Variants in TTLL9 observed in about 807,000 individuals in gnomAD.
The protein encoded by TTLL9 is probable tubulin polyglutamylase TTLL9.
In TTLL9, 47 loss-of-function variants were observed where a neutral mutation model predicts 65.6. That is an observed-to-expected ratio of 0.72 (90% CI 0.57 to 0.91). TTLL9 has a LOEUF of 0.91. Among genes scored for constraint, TTLL9 ranks in the 40% least tolerant of loss-of-function variants. The pLI is 0.00. For synonymous variants in TTLL9, 179 were observed against 204.8 expected, an observed-to-expected ratio of 0.87 and a Z score of 1.07; for missense variants, 537 against 568.8, an observed-to-expected ratio of 0.94 and a Z score of 0.57.
intron 14 of TTLL9, chr20:31,939,674 T>C (rs990300036): frequency 6.4e-5 from 10 of 156,338 alleles, no homozygotes; most frequent in African/African-American, 2.4e-4. Context: ...CATTCAAGCA[T>C]ATTAAGAGCC....
intron 3 of TTLL9, among the ~76,000 whole-genome samples, chr20:31,888,747 G>A (rs1240603492): frequency 6.6e-6 from 1 of 152,108 alleles, no homozygotes; most frequent in African/African-American, 2.4e-5. Flanking sequence ...GCCTCAGGGA[G>A]CTTACAATCA....
At chr20:31,889,046 A>G (rs545646757) in intron 3 of TTLL9, among the ~76,000 whole-genome samples, 139 of 151,816 alleles carry the variant, frequency 9.2e-4, no homozygotes, top group Middle Eastern at 3.4e-3. Context: ...AGGCACACAC[A>G]CACACACACA....
At chr20:31,902,132 G>A (rs115309069) in intron 4 of TTLL9, among the ~76,000 whole-genome samples, 76 of 151,920 alleles carry the variant, frequency 5.0e-4, no homozygotes, top group African/African-American at 1.8e-3. Flanking sequence ...CCACATACCT[G>A]CTGTGTCAAA....
intron 6 of TTLL9, 59 bp from the exon 7 acceptor site, chr20:31,919,805 G>C: frequency 7.1e-7 from 1 of 1,410,432 alleles, no homozygotes; most frequent in South Asian, 1.4e-5. Context: ...CCAGCCACGG[G>C]GGCCAACAAG....
intron 10 of TTLL9, among the ~76,000 whole-genome samples, chr20:31,932,906 G>T (rs894902918): frequency 1.3e-5 from 2 of 152,268 alleles, no homozygotes; most frequent in Middle Eastern, 3.4e-3. Context: ...TGAGGGAAGA[G>T]AATCGCTTGA....
In TTLL9 at chr20:31,923,487, A is replaced by G. The variant is rs575160278; in HGVS notation, c.664+434A>G. On this transcript the variant is annotated intron_variant, in intron 8 of 14. Coordinates refer to ENST00000535842, the MANE Select transcript of TTLL9 (RefSeq NM_001008409.5). ...GCTATGAAGTCAGTCAAGCAGGGCA[A>G]TGGGACAGAGAGTGACATGGGGGCC... Among the ~76,000 whole-genome samples the G allele has an allele frequency of 2.6e-5, 4 of 152,296 alleles. No homozygotes were observed. The South Asian group carries it at 8.3e-4, about 32-fold the overall frequency.
At chr20:31,938,141 C>G (rs1180422187) in intron 13 of TTLL9, 3 of 447,226 alleles carry the variant, frequency 6.7e-6, no homozygotes, top group African/African-American at 2.1e-5. Flanking sequence ...TCCCTCCCTT[C>G]TCTTTCCTCT....
At chr20:31,932,644 C>T (rs1033500330) in intron 10 of TTLL9, among the ~76,000 whole-genome samples, 1 of 152,068 alleles carries the variant, frequency 6.6e-6, no homozygotes. Context: ...GAACCTCTAC[C>T]TCCCCATCTG....
At chr20:31,929,029 C>T (rs1265112208) in intron 10 of TTLL9, among the ~76,000 whole-genome samples, 1 of 152,190 alleles carries the variant, frequency 6.6e-6, no homozygotes, top group East Asian at 1.9e-4. Flanking sequence ...GCACATGCCA[C>T]TGTGCCTGGC....
intron 10 of TTLL9, among the ~76,000 whole-genome samples, chr20:31,929,002 T>G (rs2063958546): frequency 6.6e-6 from 1 of 152,176 alleles, no homozygotes; most frequent in African/African-American, 2.4e-5. Context: ...CAGCCTCCTG[T>G]GCAGCTGAGA....
chr20:31,900,660 G>T (rs866678976), intron 4 of TTLL9, among the ~76,000 whole-genome samples: 16 of 152,272 alleles, frequency 1.1e-4, no homozygotes, highest in African/African-American at 3.9e-4. Context: ...TGCCTTCTTG[G>T]TTCTCTTGTG....
Position 31,873,078 on chromosome 20 carries a change from C to T in TTLL9, c.69+1883C>T, listed in dbSNP as rs567181623. 358 of 508,666 alleles carry T rather than the reference C, an allele frequency of 7.0e-4. 3 individuals are homozygous for T. Among genetic ancestry groups the T allele is most frequent in the South Asian group, 4.7e-3 (327 of 69,706 alleles). The allele number at this position is 508,666 out of a possible 1,614,324, so 31.5% of individuals were successfully genotyped here. On this transcript the variant is annotated intron_variant, in intron 2 of 14. Coordinates refer to ENST00000535842, the MANE Select transcript of TTLL9 (RefSeq NM_001008409.5). ...CAGTGACCTGGGATAGAGTGGGACC[C>T]GAGAAGCTGGAAAGAAGGGGATGGA...
chr20:31,908,582 C>G lies in TTLL9; in HGVS notation c.207-9C>G, dbSNP rs1488750532. 3 of 1,607,974 alleles carry G rather than the reference C, an allele frequency of 1.9e-6. No individual in the cohort carries two copies. In the South Asian group the frequency reaches 3.3e-5, roughly 18 times the overall value. On this transcript the variant is annotated splice_polypyrimidine_tract_variant and intron_variant, in intron 4 of 14. Transcript: ENST00000535842. ...ATGACCTTTATCCCCGCCCCCACCC[C>G]ACCCCCAGCGAAGGGGAGTGGGATT...
chr20:31,881,602 CTTTTTTT>C (rs5841092), intron 2 of TTLL9, among the ~76,000 whole-genome samples: 10 of 125,250 alleles, frequency 8.0e-5, no homozygotes, highest in Non-Finnish European at 1.5e-4. Context: ...ACACATATAA[CTTTTTTT>C]TTTTTTTTTT....
chr20:31,930,081 T>C (rs1365000060), intron 10 of TTLL9, among the ~76,000 whole-genome samples: 1 of 152,120 alleles, frequency 6.6e-6, no homozygotes, highest in African/African-American at 2.4e-5. Flanking sequence ...TGAGCCAAGA[T>C]TGTGCCACTG....
At chr20:31,903,743 A>T in intron 4 of TTLL9, among the ~76,000 whole-genome samples, 1 of 152,364 alleles carries the variant, frequency 6.6e-6, no homozygotes, top group Middle Eastern at 3.4e-3. Flanking sequence ...TTCAAAAATC[A>T]TACATAGCTT....
intron 4 of TTLL9, among the ~76,000 whole-genome samples, chr20:31,901,590 A>G (rs1387909895): frequency 6.6e-6 from 1 of 152,190 alleles, no homozygotes; most frequent in African/African-American, 2.4e-5. Context: ...GGCCCTTCCC[A>G]ACTCTTCAGT....
At chr20:31,894,979 C>G (rs2063361755) in intron 3 of TTLL9, among the ~76,000 whole-genome samples, 1 of 152,078 alleles carries the variant, frequency 6.6e-6, no homozygotes, top group South Asian at 2.1e-4. Flanking sequence ...TTTTTAGAGA[C>G]AGTGTCTCAC....
chr20:31,916,791 C>A (rs761450334), intron 6 of TTLL9, among the ~76,000 whole-genome samples: 7 of 152,210 alleles, frequency 4.6e-5, no homozygotes, highest in Non-Finnish European at 1.0e-4. Context: ...TCTTCCCGAT[C>A]CCCTTTCTCC....
Sources: allele counts gnomAD v4.1 joint callset (sites outside exome capture counted in the v4.1 genomes callset), GRCh38; gene constraint gnomAD v4.1.1; transcripts MANE v1.5; gene names NCBI Gene and HGNC (gene_info 2026-07-23, HGNC 2026-07-21).